The following FRAS1 variants were observed in gnomAD, a reference collection of about 807,000 sequenced individuals.
The protein encoded by FRAS1 is extracellular matrix organizing protein FRAS1.
In FRAS1, 290 loss-of-function variants were observed where a neutral mutation model predicts 435.2. The ratio of observed to expected loss-of-function variants is 0.67; its 90% CI spans 0.61 to 0.73. The LOEUF (loss-of-function observed/expected upper bound fraction) is 0.73, where lower values mean the gene tolerates loss of function less well. Among genes scored for constraint, FRAS1 ranks in the 30% least tolerant of loss-of-function variants. FRAS1 has a pLI of 0.00. For missense variants in FRAS1, 4,860 were observed against 5,001.5 expected (o/e 0.97, Z 0.85); for synonymous variants, 1,800 against 1,851.0 (o/e 0.97, Z 0.71).
chr4:78,537,365 G>T (rs918631799), intron 72 of FRAS1, among the ~76,000 whole-genome samples, 165 bp downstream of exon 72: 2 of 152,214 alleles, frequency 1.3e-5, no homozygotes, highest in Admixed American at 1.3e-4. Context: ...GTACATAGGT[G>T]GTAGTTACGA....
At chr4:78,506,523 G>A (rs188771238) in intron 61 of FRAS1, among the ~76,000 whole-genome samples, 210 of 140,052 alleles carry the variant, frequency 1.5e-3, no homozygotes, top group Non-Finnish European at 1.0e-3. Flanking sequence ...CGCTAGCAGC[G>A]AGCAAAGCTC....
rs1346137094 is a variant in FRAS1 at position 78,255,388 on chromosome 4, A to G, written c.603+13A>G. 4 of 1,583,214 alleles carry G rather than the reference A, an allele frequency of 2.5e-6. No individual in the cohort carries two copies. Among genetic ancestry groups the G allele is most frequent in the Non-Finnish European group, 3.4e-6 (4 of 1,163,338 alleles). On this transcript the variant is annotated intron_variant, in intron 6 of 73. Coordinates refer to ENST00000512123, the MANE Select transcript of FRAS1 (RefSeq NM_025074.7). ...ATTTTGTAACCAGGTAAGGAAGACA[A>G]CCTCAGCATGCAGCCTTCACGGGCT...
chr4:78,380,027 C>T (rs1560692910), intron 27 of FRAS1, 31 bp downstream of exon 27: 1 of 1,600,572 alleles, frequency 6.2e-7, no homozygotes, highest in South Asian at 1.1e-5. Context: ...TTTCTTCCTG[C>T]CTCCTTTCCA....
chr4:78,441,142 T>C lies in FRAS1; in HGVS notation c.5530-20T>C. The C allele has an allele frequency of 6.2e-7, 1 of 1,613,344 alleles. No homozygotes were observed. Among genetic ancestry groups the C allele is most frequent in the Non-Finnish European group, 8.5e-7 (1 of 1,179,574 alleles). ...TTATGTGAAATCACCAAGGACTCTC[T>C]ATGTTCTTTTCTTTCTTAGGTTGAT... On this transcript the variant is annotated intron_variant, in intron 40 of 73. Transcript: ENST00000512123.
intron 6 of FRAS1, among the ~76,000 whole-genome samples, chr4:78,258,975 C>T (rs11942820): frequency 0.58 from 73,207 of 126,458 alleles, 21,296 homozygotes; most frequent in Middle Eastern, 0.69. Flanking sequence ...TTTGTTCTTG[C>T]GATAGTTTAC....
intron 20 of FRAS1, 101 bp from the exon 21 acceptor site, chr4:78,363,412 G>C: frequency 8.5e-7 from 1 of 1,175,216 alleles, no homozygotes; most frequent in Non-Finnish European, 1.2e-6. Flanking sequence ...GCTGTCAGCT[G>C]CAGTGTTTGT....
chr4:78,253,348 A>G (rs1725636288), intron 5 of FRAS1, among the ~76,000 whole-genome samples: 1 of 152,184 alleles, frequency 6.6e-6, no homozygotes, highest in African/African-American at 2.4e-5. Flanking sequence ...CTGATTTCAT[A>G]TTGTTCAAAC....
At chr4:78,407,195 A>G (rs1206650535) in intron 30 of FRAS1, among the ~76,000 whole-genome samples, 1 of 152,192 alleles carries the variant, frequency 6.6e-6, no homozygotes, top group Non-Finnish European at 1.5e-5. Flanking sequence ...TATTACTATC[A>G]TTGGACAGAA....
At chr4:78,264,328 G>T (rs1726250053) in intron 6 of FRAS1, among the ~76,000 whole-genome samples, 1 of 152,162 alleles carries the variant, frequency 6.6e-6, no homozygotes, top group African/African-American at 2.4e-5. Flanking sequence ...CTGGGAAAGG[G>T]TTCTTTGGGC....
intron 29 of FRAS1, among the ~76,000 whole-genome samples, chr4:78,397,128 G>A (rs1034704903): frequency 5.3e-5 from 8 of 152,166 alleles, no homozygotes; most frequent in African/African-American, 1.7e-4. Flanking sequence ...TTGAAGGCTT[G>A]CATCACTGTG....
intron 59 of FRAS1, among the ~76,000 whole-genome samples, chr4:78,492,647 A>T (rs921184543): frequency 2.6e-5 from 4 of 152,244 alleles, no homozygotes; most frequent in African/African-American, 9.6e-5. Flanking sequence ...AAATTAACTC[A>T]GGATGGATTG....
chr4:78,503,001 A>T (rs188728101), intron 61 of FRAS1, among the ~76,000 whole-genome samples: 1,724 of 152,272 alleles, frequency 0.011, 37 homozygotes, highest in African/African-American at 0.039. Flanking sequence ...GGTTCTGTTT[A>T]TGTGATGGAT....
At chr4:78,302,350 T>C (rs1728455170) in intron 14 of FRAS1, among the ~76,000 whole-genome samples, 2 of 151,412 alleles carry the variant, frequency 1.3e-5, no homozygotes. Flanking sequence ...GCATGATTTA[T>C]AGTCCTTTGG....
At chr4:78,097,195 C>T (rs1490633093) in intron 2 of FRAS1, among the ~76,000 whole-genome samples, 2 of 152,190 alleles carry the variant, frequency 1.3e-5, no homozygotes, top group Non-Finnish European at 2.9e-5. Context: ...CAACAAGTTT[C>T]TCATCTCTAT....
intron 2 of FRAS1, among the ~76,000 whole-genome samples, chr4:78,229,168 C>T (rs548773318): frequency 6.6e-6 from 1 of 152,252 alleles, no homozygotes; most frequent in Admixed American, 6.5e-5. Context: ...AACTTTGGGA[C>T]ATTACTTAAC....
At chr4:78,521,738 T>C in intron 68 of FRAS1, 108 bp downstream of exon 68, 1 of 672,728 alleles carries the variant, frequency 1.5e-6, no homozygotes, top group South Asian at 1.8e-5. Flanking sequence ...ATGATTAACA[T>C]TTTGCTATAC....
chr4:78,210,523 T>G (rs1246101347), intron 2 of FRAS1, among the ~76,000 whole-genome samples: 1 of 152,208 alleles, frequency 6.6e-6, no homozygotes, highest in African/African-American at 2.4e-5. Flanking sequence ...AAATGACAGT[T>G]ATATTTTCGG....
rs796545332 is a variant in FRAS1 at position 78,455,860 on chromosome 4, G to T, written c.6763+3506G>T. On this transcript the variant is annotated intron_variant, in intron 47 of 73. Transcript: ENST00000512123. ...GTTTTTCTTGGGATATTAGAGTAAG[G>T]AGTTATATTAACTAGGATAGAAGCT... Among the ~76,000 whole-genome samples, 38 of 152,290 alleles carry T rather than the reference G, an allele frequency of 2.5e-4. 1 individual carries two copies. The highest frequency in any genetic ancestry group is 8.4e-4 in the African/African-American group (35 of 41,562).
rs1215157459 is a variant in FRAS1 at position 78,319,507 on chromosome 4, GTAT to G, written c.2137+525_2137+527del. On this transcript the variant is annotated intron_variant, in intron 18 of 73. Transcript: ENST00000512123. ...GAGTGGTTGAGGAGATGAAAGGGAA[GTAT>G]TATAGTTTCCTTTCTGTTCCCACAA... is the stretch of plus-strand genomic sequence containing the variant. The G allele has an allele frequency of 1.6e-5, 7 of 436,086 alleles. No homozygotes were observed. In the East Asian group the frequency reaches 3.5e-4, roughly 22 times the overall value. 27.0% of individuals were successfully genotyped at this position (436,086 alleles called of 1,614,324 possible).
Sources: allele counts gnomAD v4.1 joint callset (sites outside exome capture counted in the v4.1 genomes callset), GRCh38; gene constraint gnomAD v4.1.1; transcripts MANE v1.5; gene names NCBI Gene and HGNC (gene_info 2026-07-23, HGNC 2026-07-21).